C6orf89: variants seen among roughly 807,000 people sequenced by gnomAD.
C6orf89 encodes chromosome 6 open reading frame 89.
Under a neutral mutation model 40.7 loss-of-function variants are expected in C6orf89, and 29 were observed. That is an observed-to-expected ratio of 0.71 (90% CI 0.53 to 0.97). The LOEUF (loss-of-function observed/expected upper bound fraction) is 0.97. C6orf89 is among the 50% of genes least tolerant of loss of function. C6orf89 has a pLI of 0.00. For missense variants in C6orf89, 392 were observed against 429.1 expected, an observed-to-expected ratio of 0.91 and a Z score of 0.76; for synonymous variants, 165 against 152.2, an observed-to-expected ratio of 1.08 and a Z score of -0.62.
intron 8 of C6orf89, 83 bp from the exon 9 acceptor site, chr6:36,923,264 C>T (rs1762574436): frequency 9.3e-6 from 9 of 964,160 alleles, no homozygotes; most frequent in Non-Finnish European, 1.5e-5. Flanking sequence ...AGGGCCAGCT[C>T]TGGCAGACCT....
intron 2 of C6orf89, among the ~76,000 whole-genome samples, chr6:36,896,199 C>T (rs1283819834): frequency 6.6e-6 from 1 of 152,132 alleles, no homozygotes; most frequent in Non-Finnish European, 1.5e-5. Flanking sequence ...CCTCTGCCTC[C>T]CAGATTCAAG....
chr6:36,911,939 C>G (rs1460486570), intron 4 of C6orf89, among the ~76,000 whole-genome samples: 1 of 148,166 alleles, frequency 6.7e-6, no homozygotes, highest in Non-Finnish European at 1.5e-5. Flanking sequence ...AACCCCCCCC[C>G]CCCGACCTTT....
At chr6:36,911,489 C>T (rs1371569410) in intron 4 of C6orf89, among the ~76,000 whole-genome samples, 1 of 150,984 alleles carries the variant, frequency 6.6e-6, no homozygotes, top group Non-Finnish European at 1.5e-5. Context: ...GACTCCATCT[C>T]CAAAAAAAAT....
intron 1 of C6orf89, among the ~76,000 whole-genome samples, chr6:36,887,164 G>A (rs1310127658): frequency 6.6e-6 from 1 of 151,596 alleles, no homozygotes; most frequent in African/African-American, 2.4e-5. Flanking sequence ...GCCCAGGCTG[G>A]AGTGCAGTGG....
chr6:36,914,108 C>T (rs1187083024), intron 4 of C6orf89, among the ~76,000 whole-genome samples, 176 bp from the exon 5 acceptor site: 2 of 152,214 alleles, frequency 1.3e-5, no homozygotes, highest in African/African-American at 2.4e-5. Context: ...TTACAGTGAG[C>T]TGGACGGCAC....
chr6:36,912,216 A>G (rs1207260017), intron 4 of C6orf89, among the ~76,000 whole-genome samples: 1 of 152,164 alleles, frequency 6.6e-6, no homozygotes, highest in Non-Finnish European at 1.5e-5. Context: ...TCTTCCTGCC[A>G]CACTCTGGCA....
chr6:36,885,901 A>G, upstream of C6orf89: 1 of 655,142 alleles, frequency 1.5e-6, no homozygotes, highest in Non-Finnish European at 1.9e-6. Flanking sequence ...TCTAGGGTAC[A>G]AGGCCTCGCC....
chr6:36,886,143 C>T, intron 1 of C6orf89, 115 bp downstream of exon 1: 1 of 947,630 alleles, frequency 1.1e-6, no homozygotes, highest in Non-Finnish European at 1.4e-6. Flanking sequence ...CACCCTCTAT[C>T]CCAGCGCGGA....
chr6:36,888,582 T>A (rs1332213595), intron 1 of C6orf89, among the ~76,000 whole-genome samples: 2 of 152,130 alleles, frequency 1.3e-5, no homozygotes, highest in South Asian at 2.1e-4. Flanking sequence ...TGCAGTGAGC[T>A]GAGATCATGT....
chr6:36,883,553 G>T (rs1419639335), upstream of C6orf89, among the ~76,000 whole-genome samples: 1 of 152,160 alleles, frequency 6.6e-6, no homozygotes, highest in Non-Finnish European at 1.5e-5. Flanking sequence ...TATTTGTGAA[G>T]GATTTTGCAG....
chr6:36,874,792 T>A, intron 1 of C6orf89: 2 of 1,613,674 alleles, frequency 1.2e-6, no homozygotes, highest in Non-Finnish European at 1.7e-6. Context: ...GGCGGCGGAA[T>A]GCTTGTCTAG....
rs1762453385 is a variant in C6orf89, at chr6:36,919,813, A to G, written c.949+112A>G. On this transcript the variant is annotated intron_variant, in intron 8 of 8. Coordinates refer to ENST00000480824, the MANE Select transcript of C6orf89 (RefSeq NM_001286635.2). ...CAAAAGTTTTATTTAGTAGAATCAA[A>G]AATAACATTCTCCTGTTAACAGGCT... is the stretch of plus-strand genomic sequence containing the variant. 8.0e-6 allele frequency: 9 copies of G among 1,127,698 alleles called. No homozygotes were observed. In the East Asian group the frequency reaches 2.3e-4, roughly 29 times the overall value. 69.9% of individuals were successfully genotyped at this position (1,127,698 alleles called of 1,614,324 possible). A position where few individuals can be genotyped will look rare whatever the true frequency, so the allele number is the denominator to read the frequency against.
upstream of C6orf89, among the ~76,000 whole-genome samples, chr6:36,881,677 AAAAAC>A (rs540974668): frequency 4.6e-5 from 7 of 152,352 alleles, no homozygotes; most frequent in South Asian, 8.3e-4. Flanking sequence ...TCCATCTCGA[AAAAAC>A]AAAACAAAAC....
intron 2 of C6orf89, among the ~76,000 whole-genome samples, chr6:36,880,600 A>T (rs1774781675): frequency 7.7e-6 from 1 of 130,312 alleles, no homozygotes; most frequent in Non-Finnish European, 1.7e-5. Context: ...ATTGATAAAG[A>T]CATTTTGTCT....
chr6:36,874,208 G>A (rs1273200293), intron 1 of C6orf89, among the ~76,000 whole-genome samples: 3 of 152,196 alleles, frequency 2.0e-5, no homozygotes, highest in Non-Finnish European at 2.9e-5. Context: ...GACATACAGC[G>A]GGGCATGGCG....
chr6:36,916,338 C>G (rs1277637984), intron 6 of C6orf89, 107 bp from the exon 7 acceptor site: 1 of 1,329,682 alleles, frequency 7.5e-7, no homozygotes, highest in East Asian at 2.3e-5. Context: ...CATATTTTTC[C>G]CTCTTTACCC....
intron 4 of C6orf89, among the ~76,000 whole-genome samples, chr6:36,908,110 A>T (rs992746189): frequency 2.0e-5 from 3 of 152,204 alleles, no homozygotes; most frequent in African/African-American, 7.2e-5. Flanking sequence ...CCTCTCTCTA[A>T]GCTTATGCTT....
chr6:36,885,989 C>G lies in C6orf89; in HGVS notation c.-159C>G, dbSNP rs559621022. On this transcript the variant is annotated 5_prime_UTR_variant, in exon 1 of 9. Coordinates refer to ENST00000480824, the MANE Select transcript of C6orf89 (RefSeq NM_001286635.2). ...ATCCTCCTCGCCCGGCGGCAGCTGT[C>G]CCCGAGGCGGGAGGAGCCCGAGGGG... The G allele has an allele frequency of 7.5e-6, 9 of 1,200,644 alleles. No homozygotes were observed. Among genetic ancestry groups the G allele is most frequent in the African/African-American group, 6.7e-5 (3 of 44,848 alleles). 74.4% of individuals were successfully genotyped at this position (1,200,644 alleles called of 1,614,324 possible).
At chr6:36,913,889 G>A (rs1386297062) in intron 4 of C6orf89, among the ~76,000 whole-genome samples, 4 of 151,558 alleles carry the variant, frequency 2.6e-5, no homozygotes, top group African/African-American at 4.8e-5. Flanking sequence ...GGCTGGATGC[G>A]GTGGCTTGCG....
Sources: gnomAD v4.1 joint callset for allele counts (sites outside exome capture counted in the v4.1 genomes callset) on GRCh38, gnomAD v4.1.1 for gene constraint, MANE v1.5 for transcripts, NCBI Gene and HGNC (gene_info 2026-07-23, HGNC 2026-07-21) for gene names.